HSH2D: variants seen among roughly 807,000 people sequenced by gnomAD.
HSH2D encodes hematopoietic SH2 domain-containing protein.
In HSH2D, 16 loss-of-function variants were observed where a neutral mutation model predicts 21.5. The ratio of observed to expected loss-of-function variants is 0.74; its 90% CI spans 0.50 to 1.13. The LOEUF (loss-of-function observed/expected upper bound fraction) is 1.13. HSH2D is among the 50% of genes most tolerant of loss of function. HSH2D has a pLI of 0.00. For synonymous variants in HSH2D, 172 were observed against 184.7 expected (o/e 0.93, Z 0.56); for missense variants, 418 against 441.4 (o/e 0.95, Z 0.47).
At chr19:16,147,568 G>C (rs1001979448) in intron 1 of HSH2D, among the ~76,000 whole-genome samples, 1 of 151,176 alleles carries the variant, frequency 6.6e-6, no homozygotes, top group Non-Finnish European at 1.5e-5. Flanking sequence ...ATGAGCCAAT[G>C]AATGAATGTG....
At chr19:16,154,371 T>C (rs1360188756) in intron 4 of HSH2D, 28 bp from the exon 5 acceptor site, 2 of 1,494,190 alleles carry the variant, frequency 1.3e-6, no homozygotes, top group Non-Finnish European at 1.8e-6. Context: ...TCCCTAGTGC[T>C]GAGCTACAGG....
rs368133082 is a variant in HSH2D at position 16,156,347 on chromosome 19, CA to C, written c.475-851del. Among the ~76,000 whole-genome samples the C allele has an allele frequency of 4.3e-3, 588 of 135,332 alleles. 2 individuals carry two copies. The highest frequency in any genetic ancestry group is 0.011 in the African/African-American group (404 of 37,074). The allele number at this position is 135,332 out of a possible 152,430, so 88.8% of individuals were successfully genotyped here. The stretch of plus-strand genomic sequence containing the variant: ...CCTGGGTGACAAAGCAAGACCCTCT[CA>C]AAAAAAAAAAAGATTTGTAGAGATG... On this transcript the variant is annotated intron_variant, in intron 5 of 5. Coordinates refer to ENST00000613986, the MANE Select transcript of HSH2D (RefSeq NM_001382417.1).
rs2091246726 is a variant in HSH2D at position 16,157,143 on chromosome 19, A to G, written c.475-67A>G. 1.5e-6 allele frequency: 2 copies of G among 1,376,358 alleles called. No individual in the cohort carries two copies. The highest frequency in any genetic ancestry group is 1.5e-5 in the African/African-American group (1 of 68,402). 85.3% of individuals were successfully genotyped at this position (1,376,358 alleles called of 1,614,324 possible). ...GTGTCTGGGTGGAACCCAGGCTCCA[A>G]TTTCTGGGACAGACATGGTGCTCTG... On this transcript the variant is annotated intron_variant, in intron 5 of 5. Coordinates refer to ENST00000613986, the MANE Select transcript of HSH2D (RefSeq NM_001382417.1). This position sits in a 1 kb window ranked among gnomAD's most constrained non-coding sequence, Gnocchi z 4.4.
chr19:16,157,259 CA>C lies in HSH2D; in HGVS notation c.525del (p.Ala176GlnfsTer3). 3 of 1,592,468 alleles carry C rather than the reference CA, an allele frequency of 1.9e-6. No individual in the cohort carries two copies. Among genetic ancestry groups the C allele is most frequent in the Non-Finnish European group, 2.6e-6 (3 of 1,171,468 alleles). ...LCHQSKERKPSAEMNRITTKE... is the reference protein window; with the variant it reads ...LCHQSKERKPXAEMNRITTKE... ...CACCAATCAAAGGAAAGGAAGCCGT[CA>C]GCAGAGATGAACAGAATAACCACCA... is the stretch of plus-strand genomic sequence containing the variant. On this transcript the variant is annotated frameshift_variant, in exon 6 of 6. Coordinates refer to ENST00000613986, the MANE Select transcript of HSH2D (RefSeq NM_001382417.1). LOFTEE classifies it low-confidence loss of function (END_TRUNC). This position sits in a 1 kb window ranked among gnomAD's most constrained non-coding sequence, Gnocchi z 4.4.
intron 1 of HSH2D, among the ~76,000 whole-genome samples, chr19:16,137,841 T>G (rs1372964416): frequency 6.6e-6 from 1 of 151,706 alleles, no homozygotes; most frequent in East Asian, 1.9e-4. Flanking sequence ...TCCCAAAGTG[T>G]TGGGATTACA....
At chr19:16,143,601 G>T (rs1219419092), upstream of HSH2D, 1 of 308,082 alleles carries the variant, frequency 3.2e-6, no homozygotes, top group African/African-American at 2.2e-5. Flanking sequence ...TGCAGACAGG[G>T]TGACTTGAGC....
At chr19:16,155,327 C>T (rs1395642937) in intron 5 of HSH2D, among the ~76,000 whole-genome samples, 5 of 152,070 alleles carry the variant, frequency 3.3e-5, no homozygotes, top group Admixed American at 2.6e-4. Flanking sequence ...TGGCTTATAG[C>T]TGAGATCTGC....
chr19:16,141,380 G>A (rs1294195502), upstream of HSH2D, among the ~76,000 whole-genome samples: 7 of 152,196 alleles, frequency 4.6e-5, no homozygotes, highest in South Asian at 4.1e-4. Flanking sequence ...GTAGGATCTG[G>A]GCCCTTTCTG....
At chr19:16,141,785 G>A (rs1414299646), upstream of HSH2D, among the ~76,000 whole-genome samples, 1 of 152,006 alleles carries the variant, frequency 6.6e-6, no homozygotes, top group Non-Finnish European at 1.5e-5. Flanking sequence ...TTAGCCAGGC[G>A]TGTTGGTGGG....
Position 16,158,018 on chromosome 19 carries a change from GCT to G in HSH2D, c.*225_*226del. ...GTGACGCTGATGGTTTGGGGCACCA[GCT>G]ATACATCAGCCCCAGTGCCAGACCT... On this transcript the variant is annotated 3_prime_UTR_variant, in exon 6 of 6. Coordinates refer to ENST00000613986, the MANE Select transcript of HSH2D (RefSeq NM_001382417.1). 1 of 513,538 alleles carries G rather than the reference GCT, an allele frequency of 1.9e-6. No individual in the cohort carries two copies. Among genetic ancestry groups the G allele is most frequent in the South Asian group, 3.0e-5 (1 of 32,922 alleles). 31.8% of individuals were successfully genotyped at this position (513,538 alleles called of 1,614,324 possible).
chr19:16,157,504 G>T lies in HSH2D; in HGVS notation c.769G>T (p.Asp257Tyr), dbSNP rs1476027132. 6.2e-7 allele frequency: 1 copy of T among 1,613,802 alleles called. No homozygotes were observed. The highest frequency in any genetic ancestry group is 8.5e-7 in the Non-Finnish European group (1 of 1,179,880). The stretch of plus-strand genomic sequence containing the variant: ...AAAAGGCAGCCAAGATCACTCAGGG[G>T]ATCCCACCTCGGGGGACAGAGGCTA... ...TGKGSQDHSG[D>Y]PTSGDRGYTD... The change falls in exon 6 of 6, where the codon GAT becomes TAT. Residue 257 changes from aspartate (D) to tyrosine (Y), a missense_variant. Physicochemically the swap from Asp to Tyr is radical, Grantham distance 160 (BLOSUM62 -3). Transcript: ENST00000613986. This position sits in a 1 kb window ranked among gnomAD's most constrained non-coding sequence, Gnocchi z 4.4.
intron 3 of HSH2D, 111 bp downstream of exon 3, chr19:16,152,752 G>T (rs774791924): frequency 2.5e-5 from 22 of 863,554 alleles, no homozygotes; most frequent in Non-Finnish European, 4.2e-5. Flanking sequence ...AGTAACTGAG[G>T]CTGTGGATCT....
At chr19:16,154,062 G>A (rs1157922717) in intron 4 of HSH2D, among the ~76,000 whole-genome samples, 6 of 146,728 alleles carry the variant, frequency 4.1e-5, no homozygotes, top group Non-Finnish European at 6.1e-5. Context: ...TGCTGTGGGT[G>A]GGGCATCTTT....
intron 1 of HSH2D, among the ~76,000 whole-genome samples, chr19:16,144,479 G>A (rs1477082488): frequency 6.6e-6 from 1 of 151,834 alleles, no homozygotes; most frequent in Non-Finnish European, 1.5e-5. Flanking sequence ...CCCCATGATA[G>A]GTCACAACTG....
intron 5 of HSH2D, 40 bp downstream of exon 5, chr19:16,154,531 G>T: frequency 7.6e-7 from 1 of 1,315,060 alleles, no homozygotes; most frequent in Non-Finnish European, 1.1e-6. Flanking sequence ...CCACCTGGCT[G>T]AGGGGCAGGA....
intron 4 of HSH2D, 85 bp downstream of exon 4, chr19:16,153,293 C>A: frequency 7.8e-7 from 1 of 1,274,488 alleles, no homozygotes; most frequent in Non-Finnish European, 1.0e-6. Flanking sequence ...CCCCCATCAG[C>A]TCCTCTTGAT....
At chr19:16,152,492 T>G in intron 2 of HSH2D, 60 bp from the exon 3 acceptor site, 2 of 1,011,408 alleles carry the variant, frequency 2.0e-6, no homozygotes, top group Non-Finnish European at 1.4e-6. Flanking sequence ...GCCCCAGGAG[T>G]CTAACTGGTA....
intron 1 of HSH2D, among the ~76,000 whole-genome samples, chr19:16,144,090 G>A (rs567744775): frequency 6.6e-6 from 1 of 152,158 alleles, no homozygotes; most frequent in African/African-American, 2.4e-5. Flanking sequence ...CCAGGGTCAG[G>A]AGCTTGAATT....
At chr19:16,136,773 G>A (rs190241977) in intron 1 of HSH2D, among the ~76,000 whole-genome samples, 1 of 152,210 alleles carries the variant, frequency 6.6e-6, no homozygotes, top group East Asian at 1.9e-4. Flanking sequence ...AAAGATTAGG[G>A]GTGGCCAGAA....
Sources: gnomAD v4.1 joint callset for allele counts (sites outside exome capture counted in the v4.1 genomes callset) on GRCh38, gnomAD v4.1.1 for gene constraint, Gnocchi (gnomAD v3.1) non-coding constraint, MANE v1.5 for transcripts, NCBI Gene and HGNC (gene_info 2026-07-23, HGNC 2026-07-21) for gene names.